Variants in SAXO5 observed in about 807,000 individuals in gnomAD.
SAXO5 encodes the protein stabilizer of axonemal microtubules 5, also known as testis expressed 45.
chr19:7,506,337 T>G, the SAXO5 span: 1 of 484,282 alleles, frequency 2.1e-6, no homozygotes, highest in Non-Finnish European at 3.6e-6. Context: ...GCCCCGCCCC[T>G]AACCAGCCCT....
chr19:7,504,269 G>A, the SAXO5 span: 3 of 1,613,768 alleles, frequency 1.9e-6, no homozygotes, highest in South Asian at 2.2e-5. Flanking sequence ...GCAGAATTGG[G>A]GGCTGGGTGG....
the SAXO5 span, chr19:7,505,458 C>T: frequency 5.0e-6 from 8 of 1,613,392 alleles, no homozygotes; most frequent in South Asian, 5.5e-5. Flanking sequence ...AGGCCCGCCC[C>T]GTCCCGCCTC....
chr19:7,506,395 TGACC>T, the SAXO5 span: 1 of 541,764 alleles, frequency 1.8e-6, no homozygotes, highest in Admixed American at 2.8e-5. Context: ...CACCCCCAAT[TGACC>T]AGAACCCCAA....
the SAXO5 span, chr19:7,499,508 C>T: frequency 1.3e-5 from 2 of 152,380 alleles, no homozygotes; most frequent in South Asian, 2.1e-4. Flanking sequence ...AGGAGAAAAC[C>T]GTGGCCTTGA....
chr19:7,506,217 C>T, the SAXO5 span: 20 of 1,420,914 alleles, frequency 1.4e-5, no homozygotes, highest in Admixed American at 4.4e-4. Flanking sequence ...CGGGAAGCCC[C>T]ACCCCCGAAA....
At chr19:7,500,262 G>T in the SAXO5 span, among the ~76,000 whole-genome samples, 1 of 151,944 alleles carries the variant, frequency 6.6e-6, no homozygotes, top group East Asian at 1.9e-4. Context: ...TTTATGTGGT[G>T]CCTACTGTGT....
At chr19:7,505,598 AC>A in the SAXO5 span, 2 of 1,614,114 alleles carry the variant, frequency 1.2e-6, no homozygotes, top group Non-Finnish European at 1.7e-6. Context: ...GGCAGTCTGG[AC>A]ACCTTCATGC....
chr19:7,503,847 C>G, the SAXO5 span, among the ~76,000 whole-genome samples: 1 of 152,184 alleles, frequency 6.6e-6, no homozygotes, highest in Non-Finnish European at 1.5e-5. Flanking sequence ...CCAAGCTGGT[C>G]TCCAGCTCAA....
chr19:7,501,185 C>T, the SAXO5 span: 6 of 1,524,992 alleles, frequency 3.9e-6, no homozygotes, highest in Non-Finnish European at 5.2e-6. Flanking sequence ...ACGCGCACGC[C>T]GGGATCGGCC....
chr19:7,500,852 G>T, the SAXO5 span: 2 of 1,535,192 alleles, frequency 1.3e-6, no homozygotes. Context: ...TGCCGTGCTC[G>T]CGCCCGTGCC....
At chr19:7,505,072 C>T in the SAXO5 span, among the ~76,000 whole-genome samples, 2 of 151,872 alleles carry the variant, frequency 1.3e-5, no homozygotes, top group Non-Finnish European at 2.9e-5. Flanking sequence ...CAACCTCCGC[C>T]TCCCGGGTTC....
At chr19:7,508,347 A>G in the SAXO5 span, 1 of 1,613,900 alleles carries the variant, frequency 6.2e-7, no homozygotes, top group East Asian at 2.2e-5. Context: ...GCCCCTGGGC[A>G]CGCCTCACCA....
At chr19:7,499,944 G>GTGTGTGTGTGTGGGTGTGTGTA in the SAXO5 span, 1 of 148,054 alleles carries the variant, frequency 6.8e-6, no homozygotes, top group Non-Finnish European at 1.5e-5. Flanking sequence ...GTGTGTGTGT[G>GTGTGTGTGTGTGGGTGTGTGTA]TGTGTGTGTG....
chr19:7,504,570 G>A, the SAXO5 span, among the ~76,000 whole-genome samples: 6 of 152,126 alleles, frequency 3.9e-5, no homozygotes, highest in South Asian at 6.2e-4. Context: ...GCCGGGTGTG[G>A]TGGTGGGCGC....
chr19:7,501,862 A>G, the SAXO5 span, among the ~76,000 whole-genome samples: 1 of 135,306 alleles, frequency 7.4e-6, no homozygotes, highest in African/African-American at 2.8e-5. Flanking sequence ...AAGAAGAAAG[A>G]GAGAGAGAGA....
chr19:7,500,409 C>G, the SAXO5 span, among the ~76,000 whole-genome samples: 1 of 152,146 alleles, frequency 6.6e-6, no homozygotes. Flanking sequence ...TCAAGCGATT[C>G]TCCTGCCTCA....
the SAXO5 span, among the ~76,000 whole-genome samples, chr19:7,503,939 T>C: frequency 7.2e-5 from 11 of 152,202 alleles, no homozygotes; most frequent in Admixed American, 5.2e-4. Flanking sequence ...TGGCTTTTAG[T>C]ATAATTTATT....
At chr19:7,508,304 C>T in the SAXO5 span, 1 of 1,613,934 alleles carries the variant, frequency 6.2e-7, no homozygotes, top group African/African-American at 1.3e-5. Flanking sequence ...GCCCAGCAGC[C>T]CTGAGACTGA....
the SAXO5 span, chr19:7,508,364 C>CCTGGAGATCCTGGGG: frequency 6.2e-7 from 1 of 1,613,826 alleles, no homozygotes. Flanking sequence ...ACCAGCGCGG[C>CCTGGAGATCCTGGGG]TGCAGGGAGA....
Sources: gnomAD v4.1 joint callset for allele counts (sites outside exome capture counted in the v4.1 genomes callset) on GRCh38, gnomAD v4.1.1 for gene constraint, MANE v1.5 for transcripts, NCBI Gene and HGNC (gene_info 2026-07-23, HGNC 2026-07-21) for gene names.